STAG2: variants seen among roughly 807,000 people sequenced by gnomAD.
The protein encoded by STAG2 is STAG2 cohesin complex component, also known as cohesin subunit SA-2.
In STAG2, 14 loss-of-function variants were observed where a neutral mutation model predicts 108.1. That is an observed-to-expected ratio of 0.13 (90% CI 0.09 to 0.20). The LOEUF (loss-of-function observed/expected upper bound fraction) is 0.20. Ranked by LOEUF, STAG2 falls within the 10% of genes least tolerant of loss-of-function variation. The pLI is 1.00. For missense variants in STAG2, 440 were observed against 940.9 expected (o/e 0.47, Z 6.96); for synonymous variants, 307 against 302.7 (o/e 1.01, Z -0.15).
intron 1 of STAG2, among the ~76,000 whole-genome samples, chrX:123,972,457 G>C (rs1395384956): frequency 9.2e-6 from 1 of 108,445 alleles, no homozygotes; most frequent in Non-Finnish European, 1.9e-5. Flanking sequence ...ATTTTTAGTA[G>C]AGACGGGGTT....
intron 4 of STAG2, among the ~76,000 whole-genome samples, chrX:124,028,818 ATATATTT>A (rs1189997617): frequency 2.9e-5 from 1 of 34,600 alleles, no homozygotes; most frequent in Non-Finnish European, 5.4e-5. Context: ...ATATATATAT[ATATATTT>A]TTTTTTTTAT....
chrX:124,036,253 A>T lies in STAG2; in HGVS notation c.289-1274A>T, dbSNP rs5958375. 6.1e-3 allele frequency among the ~76,000 whole-genome samples: 682 copies of T among 111,665 alleles called. 5 individuals are homozygous for T. The highest frequency in any genetic ancestry group is 0.021 in the African/African-American group (631 of 30,711). On this transcript the variant is annotated intron_variant, in intron 5 of 34. Transcript: ENST00000371145. ...TGTTTTAGTCATTGTTTGTACCTGG[A>T]TTTCCTATTTATTGGTATATAACTT...
intron 25 of STAG2, among the ~76,000 whole-genome samples, chrX:124,072,606 T>C (rs2058690919): frequency 9.0e-6 from 1 of 110,733 alleles, no homozygotes; most frequent in Non-Finnish European, 1.9e-5. Flanking sequence ...CTAGATGGTA[T>C]GGATATGAAA....
chrX:123,976,179 T>G (rs2054605648), intron 1 of STAG2, among the ~76,000 whole-genome samples: 2 of 111,381 alleles, frequency 1.8e-5, no homozygotes, highest in Non-Finnish European at 3.8e-5. Context: ...GAGGCTGAGA[T>G]GGGAGGATTA....
intron 11 of STAG2, 61 bp downstream of exon 11, chrX:124,050,370 A>G (rs2057998674): frequency 4.5e-6 from 5 of 1,106,838 alleles, no homozygotes; most frequent in Non-Finnish European, 6.0e-6. Context: ...TGCACCTCTC[A>G]TTCATGAGTT....
intron 16 of STAG2, among the ~76,000 whole-genome samples, chrX:124,061,544 A>T (rs2058376766): frequency 9.1e-6 from 1 of 109,822 alleles, no homozygotes; most frequent in African/African-American, 3.3e-5. Flanking sequence ...TATCTGGGTT[A>T]TTTTTTTTAC....
intron 1 of STAG2, among the ~76,000 whole-genome samples, chrX:124,006,806 GT>G (rs1487844426): frequency 1.8e-5 from 2 of 110,733 alleles, no homozygotes; most frequent in African/African-American, 6.6e-5. Flanking sequence ...TTTAATTTGT[GT>G]TTTCTTCTAT....
intron 1 of STAG2, among the ~76,000 whole-genome samples, chrX:124,006,864 T>C (rs1368453570): frequency 8.9e-6 from 1 of 112,172 alleles, no homozygotes; most frequent in East Asian, 2.8e-4. Flanking sequence ...TTATCTCTTT[T>C]ATACTTAATA....
intron 1 of STAG2, among the ~76,000 whole-genome samples, chrX:124,004,191 A>G (rs1258879915): frequency 2.7e-5 from 3 of 111,952 alleles, no homozygotes; most frequent in Non-Finnish European, 5.6e-5. Context: ...GGGCAGGACT[A>G]TCAGCATCCT....
chrX:123,966,335 G>A (rs1450319725), intron 1 of STAG2, among the ~76,000 whole-genome samples: 1 of 108,752 alleles, frequency 9.2e-6, no homozygotes, highest in Non-Finnish European at 1.9e-5. Context: ...GGTGGTGCGC[G>A]TCTGTAGTCC....
At chrX:123,993,540 G>T (rs2055581720) in intron 1 of STAG2, among the ~76,000 whole-genome samples, 1 of 110,844 alleles carries the variant, frequency 9.0e-6, no homozygotes, top group South Asian at 3.8e-4. Flanking sequence ...TGGGTTCCTG[G>T]CATTTGAGTG....
intron 1 of STAG2, among the ~76,000 whole-genome samples, chrX:124,001,258 T>G (rs1473501776): frequency 9.0e-6 from 1 of 110,598 alleles, no homozygotes; most frequent in East Asian, 2.8e-4. Flanking sequence ...GCCTGGCTAA[T>G]TTTTTCTATT....
intron 1 of STAG2, among the ~76,000 whole-genome samples, chrX:124,012,629 T>G (rs1471622045): frequency 2.7e-5 from 3 of 111,477 alleles, no homozygotes; most frequent in Non-Finnish European, 5.7e-5. Context: ...TAATCAGAAG[T>G]GAAAGGAACA....
intron 1 of STAG2, among the ~76,000 whole-genome samples, chrX:123,967,757 G>A (rs2054173311): frequency 9.0e-6 from 1 of 111,234 alleles, no homozygotes; most frequent in Non-Finnish European, 1.9e-5. Flanking sequence ...TGTACAGCAT[G>A]TTGCTGTACT....
chrX:124,102,334 CTTT>C lies in STAG2; in HGVS notation c.*1738_*1740del, dbSNP rs2059519062. 1.3e-5 allele frequency: 2 copies of C among 159,015 alleles called. No individual in the cohort carries two copies. Among genetic ancestry groups the C allele is most frequent in the East Asian group, 1.9e-4 (2 of 10,450 alleles). 13.1% of individuals were successfully genotyped at this position (159,015 alleles called of 1,213,427 possible). A position where few individuals can be genotyped will look rare whatever the true frequency, so the allele number is the denominator to read the frequency against. On this transcript the variant is annotated 3_prime_UTR_variant, in exon 35 of 35. Coordinates refer to ENST00000371145, the MANE Select transcript of STAG2 (RefSeq NM_001042750.2). ...TTTCTCACTCTTGAAAGGAGTACTTCTTTGTGAAAGCAGTTCTTACAGCTTTGT... is the reference window on the plus strand; with the variant it reads ...TTTCTCACTCTTGAAAGGAGTACTTCGTGAAAGCAGTTCTTACAGCTTTGT...
chrX:124,052,920 G>A (rs1440876955), intron 13 of STAG2, among the ~76,000 whole-genome samples: 2 of 109,230 alleles, frequency 1.8e-5, no homozygotes, highest in African/African-American at 3.3e-5. Flanking sequence ...GGGTTCAAGC[G>A]ATTCCCCTGC....
At chrX:124,005,533 T>G (rs1262364963) in intron 1 of STAG2, among the ~76,000 whole-genome samples, 1 of 112,221 alleles carries the variant, frequency 8.9e-6, no homozygotes, top group Non-Finnish European at 1.9e-5. Context: ...ATTTTGACAT[T>G]TTCATGGAGT....
chrX:124,050,353 G>A (rs985249737), intron 11 of STAG2, 44 bp downstream of exon 11: 1 of 1,160,557 alleles, frequency 8.6e-7, no homozygotes, highest in African/African-American at 1.8e-5. Context: ...ACATCGGCGT[G>A]GCTGTCTGCA....
chrX:123,970,283 C>A (rs1474505169), intron 1 of STAG2, among the ~76,000 whole-genome samples: 1 of 109,975 alleles, frequency 9.1e-6, no homozygotes, highest in East Asian at 2.8e-4. Context: ...CAGAATTATT[C>A]CCCGAGGCAT....
Sources: gnomAD v4.1 joint callset for allele counts (sites outside exome capture counted in the v4.1 genomes callset) on GRCh38, gnomAD v4.1.1 for gene constraint, MANE v1.5 for transcripts, NCBI Gene and HGNC (gene_info 2026-07-23, HGNC 2026-07-21) for gene names.